APBB1IP: variants seen among roughly 807,000 people sequenced by gnomAD.
APBB1IP encodes the protein amyloid beta A4 precursor protein-binding family B member 1-interacting protein.
APBB1IP carries 27 observed loss-of-function variants against 64.9 expected under a neutral mutation model. That is an observed-to-expected ratio of 0.42 (90% CI 0.31 to 0.57). The LOEUF is 0.57. APBB1IP is among the 20% of genes least tolerant of loss of function. The pLI, the probability that APBB1IP is intolerant of heterozygous loss-of-function variation, is 0.20. For missense variants in APBB1IP, 812 were observed against 845.5 expected (o/e 0.96, Z 0.49); for synonymous variants, 392 against 331.0 (o/e 1.18, Z -2.00).
At chr10:26,451,983 G>T (rs957703024) in intron 2 of APBB1IP, among the ~76,000 whole-genome samples, 3 of 152,180 alleles carry the variant, frequency 2.0e-5, no homozygotes, top group Non-Finnish European at 4.4e-5. Context: ...AGGATGGTTA[G>T]AACATGTAAA....
intron 5 of APBB1IP, chr10:26,501,860 G>T (rs1285600969): frequency 5.9e-5 from 9 of 152,048 alleles, no homozygotes; most frequent in Admixed American, 5.9e-4. Flanking sequence ...AGACCCTAGG[G>T]ACCCCGAAAG....
intron 7 of APBB1IP, among the ~76,000 whole-genome samples, chr10:26,512,592 C>T (rs1005815552): frequency 2.0e-5 from 3 of 152,052 alleles, no homozygotes; most frequent in African/African-American, 7.2e-5. Context: ...TGAAGATATA[C>T]TGTTACTTAT....
intron 8 of APBB1IP, among the ~76,000 whole-genome samples, chr10:26,529,428 G>T (rs1289774578): frequency 1.3e-5 from 2 of 152,242 alleles, no homozygotes; most frequent in African/African-American, 4.8e-5. Context: ...TGGTCACTTA[G>T]AAGGATATTC....
At chr10:26,537,104 T>C (rs1299663653) in intron 10 of APBB1IP, among the ~76,000 whole-genome samples, 2 of 152,186 alleles carry the variant, frequency 1.3e-5, no homozygotes, top group Non-Finnish European at 2.9e-5. Flanking sequence ...AATGTAATTT[T>C]AACTCTTATT....
At chr10:26,514,086 C>T (rs1836295520) in intron 8 of APBB1IP, among the ~76,000 whole-genome samples, 1 of 152,116 alleles carries the variant, frequency 6.6e-6, no homozygotes, top group Admixed American at 6.5e-5. Context: ...CATTGTCTCA[C>T]AAAATATCAC....
intron 2 of APBB1IP, among the ~76,000 whole-genome samples, chr10:26,444,055 C>T (rs966540134): frequency 2.6e-5 from 4 of 152,000 alleles, no homozygotes; most frequent in Non-Finnish European, 5.9e-5. Flanking sequence ...TTGCAATATG[C>T]GATAAGGTGG....
At chr10:26,566,283 C>T (rs1197458185) in intron 14 of APBB1IP, among the ~76,000 whole-genome samples, 3 of 152,146 alleles carry the variant, frequency 2.0e-5, no homozygotes, top group Non-Finnish European at 4.4e-5. Context: ...GAGACATAGT[C>T]TCGTTGTGTT....
In APBB1IP at chr10:26,560,784, G is replaced by A; in HGVS notation, c.1309G>A (p.Ala437Thr). 2 of 1,608,896 alleles carry A rather than the reference G, an allele frequency of 1.2e-6. No individual in the cohort carries two copies. The highest frequency in any genetic ancestry group is 8.5e-7 in the Non-Finnish European group (1 of 1,177,124). The change falls in exon 13 of 15, where the codon GCC becomes ACC. Residue 437 changes from alanine (A) to threonine (T), a missense_variant. Physicochemically the swap from Ala to Thr is moderately conservative, Grantham distance 58. Coordinates refer to ENST00000376236, the MANE Select transcript of APBB1IP (RefSeq NM_019043.4). ...GCGGGCTGTGGCAAAGGCTGGACTT[G>A]CCTCTCGGTGGACAAACTTGGGGAC... ...YQRAVAKAGL[A>T]SRWTNLGTVN...
At chr10:26,510,632 A>C (rs1433803652) in intron 6 of APBB1IP, among the ~76,000 whole-genome samples, 4 of 151,728 alleles carry the variant, frequency 2.6e-5, no homozygotes, top group Non-Finnish European at 5.9e-5. Context: ...ACCACTCAGG[A>C]GGCTGAGGTG....
chr10:26,513,692 A>C, intron 8 of APBB1IP, 32 bp downstream of exon 8: 1 of 1,563,762 alleles, frequency 6.4e-7, no homozygotes, highest in Non-Finnish European at 8.6e-7. Flanking sequence ...TAAACCCTAT[A>C]AAGTACAAAG....
At chr10:26,479,638 TA>T (rs1447510367) in intron 2 of APBB1IP, among the ~76,000 whole-genome samples, 1 of 152,224 alleles carries the variant, frequency 6.6e-6, no homozygotes, top group East Asian at 1.9e-4. Flanking sequence ...TGTATATATC[TA>T]AAAAGCAACA....
chr10:26,466,731 G>A (rs1312010647), intron 2 of APBB1IP, among the ~76,000 whole-genome samples: 3 of 152,042 alleles, frequency 2.0e-5, no homozygotes, highest in East Asian at 3.9e-4. Flanking sequence ...AGGCCAGTGG[G>A]TGGAGCCCAG....
chr10:26,565,875 A>G (rs1837036500), intron 14 of APBB1IP, among the ~76,000 whole-genome samples: 1 of 152,170 alleles, frequency 6.6e-6, no homozygotes, highest in South Asian at 2.1e-4. Flanking sequence ...TGCCAACAAG[A>G]GTCCAAAGAG....
chr10:26,511,740 T>C lies in APBB1IP; in HGVS notation c.532-7T>C, dbSNP rs1367458055. The C allele has an allele frequency of 1.2e-6, 2 of 1,614,108 alleles. No individual in the cohort carries two copies. The highest frequency in any genetic ancestry group is 1.1e-5 in the South Asian group (1 of 91,082). ...ATTTACTGGCTGCCCCATGGTTCTA[T>C]CCTCAGCTCGTCGTCAAGGTGCACA... On this transcript the variant is annotated splice_polypyrimidine_tract_variant and splice_region_variant and intron_variant, in intron 6 of 14. Coordinates refer to ENST00000376236, the MANE Select transcript of APBB1IP (RefSeq NM_019043.4).
chr10:26,507,697 A>C (rs142281171), intron 6 of APBB1IP, among the ~76,000 whole-genome samples: 28 of 152,316 alleles, frequency 1.8e-4, no homozygotes, highest in African/African-American at 6.5e-4. Context: ...GAAAATGGTA[A>C]AAGTAAACTT....
intron 8 of APBB1IP, among the ~76,000 whole-genome samples, chr10:26,532,912 C>T (rs938942232): frequency 6.6e-6 from 1 of 152,198 alleles, no homozygotes; most frequent in Non-Finnish European, 1.5e-5. Flanking sequence ...GTGATTGACC[C>T]AGGCAGTTCT....
chr10:26,486,714 G>A (rs1043463838), intron 2 of APBB1IP, among the ~76,000 whole-genome samples: 1 of 152,112 alleles, frequency 6.6e-6, no homozygotes, highest in African/African-American at 2.4e-5. Context: ...TAACTCTGCC[G>A]TCGATATAAA....
At chr10:26,506,349 G>A (rs1482133548) in intron 6 of APBB1IP, among the ~76,000 whole-genome samples, 1 of 151,360 alleles carries the variant, frequency 6.6e-6, no homozygotes, top group East Asian at 2.0e-4. Flanking sequence ...CTGGGCTCAA[G>A]TGATCCTCCC....
chr10:26,484,378 C>A (rs1835868222), intron 2 of APBB1IP, among the ~76,000 whole-genome samples: 1 of 152,176 alleles, frequency 6.6e-6, no homozygotes, highest in African/African-American at 2.4e-5. Context: ...CCTCAGCTCA[C>A]TGCAAGCTCC....
Sources: gnomAD v4.1 joint callset for allele counts (sites outside exome capture counted in the v4.1 genomes callset) on GRCh38, gnomAD v4.1.1 for gene constraint, MANE v1.5 for transcripts, NCBI Gene and HGNC (gene_info 2026-07-23, HGNC 2026-07-21) for gene names.